LRRC37A2: variants seen among roughly 807,000 people sequenced by gnomAD.
LRRC37A2 encodes the protein leucine rich repeat containing 37 member A2.
In LRRC37A2, 9 loss-of-function variants were observed where a neutral mutation model predicts 68.8. The observed-to-expected ratio is 0.13, with a 90% CI of 0.08 to 0.23. The LOEUF (loss-of-function observed/expected upper bound fraction) is 0.23, where lower values mean the gene tolerates loss of function less well. Among genes scored for constraint, LRRC37A2 ranks in the 10% least tolerant of loss-of-function variants. The pLI is 1.00. For synonymous variants in LRRC37A2, 63 were observed against 367.6 expected (o/e 0.17, Z 9.48); for missense variants, 168 against 950.4 (o/e 0.18, Z 10.82).
chr17:46,830,744 G>T, the LRRC37A2 span: 1 of 398,622 alleles, frequency 2.5e-6, no homozygotes. Flanking sequence ...AGGGCCACGG[G>T]TGTTCTAGAA....
At chr17:46,762,019 C>T in the LRRC37A2 span, among the ~76,000 whole-genome samples, 1 of 152,250 alleles carries the variant, frequency 6.6e-6, no homozygotes, top group Non-Finnish European at 1.5e-5. Flanking sequence ...AGCCTACCTC[C>T]CTCTACGGCT....
the LRRC37A2 span, among the ~76,000 whole-genome samples, chr17:46,403,733 C>G: frequency 2.1e-5 from 2 of 93,708 alleles, no homozygotes; most frequent in African/African-American, 3.7e-5. Flanking sequence ...GGGTCTCGCT[C>G]TGTTGCCCAG....
At chr17:46,766,689 G>A in the LRRC37A2 span, among the ~76,000 whole-genome samples, 1 of 152,086 alleles carries the variant, frequency 6.6e-6, no homozygotes, top group Non-Finnish European at 1.5e-5. Context: ...TCTCCATGAC[G>A]TCAAGTACCT....
At chr17:46,716,375 G>C in the LRRC37A2 span, among the ~76,000 whole-genome samples, 1 of 151,616 alleles carries the variant, frequency 6.6e-6, no homozygotes, top group Non-Finnish European at 1.5e-5. Flanking sequence ...TCCTGCCTCA[G>C]CCTCCCAAGT....
chr17:46,933,036 A>T, the LRRC37A2 span: 2 of 152,404 alleles, frequency 1.3e-5, no homozygotes, highest in South Asian at 2.1e-4. Context: ...CTGTGCCAAC[A>T]TAGTTTTTGC....
At chr17:46,728,040 G>A in the LRRC37A2 span, among the ~76,000 whole-genome samples, 1 of 151,908 alleles carries the variant, frequency 6.6e-6, no homozygotes, top group African/African-American at 2.4e-5. Context: ...TTCTCATCAG[G>A]TGGATAGTCT....
the LRRC37A2 span, among the ~76,000 whole-genome samples, chr17:46,575,111 A>G: frequency 5.0e-5 from 5 of 100,452 alleles, no homozygotes; most frequent in East Asian, 1.1e-3. Flanking sequence ...AAAAAAAAAA[A>G]GAAAGTTGAT....
At chr17:46,936,276 T>A in the LRRC37A2 span, 2 of 985,128 alleles carry the variant, frequency 2.0e-6, no homozygotes, top group South Asian at 4.7e-5. Flanking sequence ...AGTAGAGGCC[T>A]TTTAGGACCA....
the LRRC37A2 span, among the ~76,000 whole-genome samples, chr17:46,942,172 A>G: frequency 6.6e-6 from 1 of 152,218 alleles, no homozygotes. Flanking sequence ...TGTTTGGGGA[A>G]CCCTAATTTG....
At chr17:46,960,851 G>A in the LRRC37A2 span, among the ~76,000 whole-genome samples, 1 of 152,208 alleles carries the variant, frequency 6.6e-6, no homozygotes, top group African/African-American at 2.4e-5. Flanking sequence ...ATTAAGGGAA[G>A]AAGAGTTTGT....
the LRRC37A2 span, among the ~76,000 whole-genome samples, chr17:46,707,750 G>A: frequency 6.6e-6 from 1 of 152,040 alleles, no homozygotes; most frequent in Non-Finnish European, 1.5e-5. Context: ...CCATTATATG[G>A]GCCAGGCGTG....
chr17:46,968,932 C>G, the LRRC37A2 span: 4 of 152,444 alleles, frequency 2.6e-5, no homozygotes, highest in African/African-American at 9.6e-5. Context: ...CCAGGTAATT[C>G]TCATGAGGTT....
the LRRC37A2 span, among the ~76,000 whole-genome samples, chr17:46,771,420 C>T: frequency 8.9e-4 from 135 of 151,294 alleles, no homozygotes; most frequent in Non-Finnish European, 1.4e-3. Context: ...TCGTTTCCGG[C>T]CGGCCTGCGG....
the LRRC37A2 span, among the ~76,000 whole-genome samples, chr17:46,795,839 T>C: frequency 6.6e-6 from 1 of 152,178 alleles, no homozygotes; most frequent in Non-Finnish European, 1.5e-5. Context: ...TGTGCACTCT[T>C]GCTCTCTGTC....
chr17:46,888,903 C>T, the LRRC37A2 span, among the ~76,000 whole-genome samples: 1 of 152,144 alleles, frequency 6.6e-6, no homozygotes, highest in Non-Finnish European at 1.5e-5. Flanking sequence ...TAATCACTAC[C>T]CCCATTTTAC....
the LRRC37A2 span, among the ~76,000 whole-genome samples, chr17:46,765,434 C>T: frequency 6.6e-6 from 1 of 152,242 alleles, no homozygotes; most frequent in African/African-American, 2.4e-5. Context: ...GTAAAAGCTA[C>T]AAAAAGCTAC....
chr17:46,472,923 A>AATATAT, the LRRC37A2 span, among the ~76,000 whole-genome samples: 136 of 64,194 alleles, frequency 2.1e-3, 22 homozygotes, highest in African/African-American at 6.7e-3. Context: ...TCAAAAAAAA[A>AATATAT]ATATATATAT....
the LRRC37A2 span, among the ~76,000 whole-genome samples, chr17:46,501,547 G>GAC: frequency 6.6e-6 from 1 of 151,354 alleles, no homozygotes; most frequent in Admixed American, 6.5e-5. Context: ...ATATAAAGGA[G>GAC]ACTTTATCAT....
chr17:46,948,571 G>T, the LRRC37A2 span: 123 of 152,374 alleles, frequency 8.1e-4, no homozygotes, highest in African/African-American at 2.8e-3. Flanking sequence ...CCCAGCCTCA[G>T]TGTCCTCGTA....
Sources: gnomAD v4.1 joint callset for allele counts (sites outside exome capture counted in the v4.1 genomes callset) on GRCh38, gnomAD v4.1.1 for gene constraint, MANE v1.5 for transcripts, NCBI Gene and HGNC (gene_info 2026-07-23, HGNC 2026-07-21) for gene names.